Variants in MYCBP2 observed in about 807,000 individuals in gnomAD.
The protein encoded by MYCBP2 is E3 ubiquitin-protein ligase MYCBP2.
A neutral mutation model predicts 525.3 loss-of-function variants in MYCBP2; 120 were observed. The observed-to-expected ratio is 0.23, with a 90% CI of 0.20 to 0.27. The LOEUF is 0.27. Among genes scored for constraint, MYCBP2 ranks in the 10% least tolerant of loss-of-function variants. The pLI is 1.00. For synonymous variants in MYCBP2, 1,894 were observed against 1,955.8 expected (o/e 0.97, Z 0.83); for missense variants, 4,149 against 5,657.1 (o/e 0.73, Z 8.55).
intron 8 of MYCBP2, among the ~76,000 whole-genome samples, chr13:77,266,932 C>T (rs1302749426): frequency 6.6e-6 from 1 of 151,824 alleles, no homozygotes; most frequent in Non-Finnish European, 1.5e-5. Context: ...TAGTAAGGTT[C>T]AAATAAATGT....
chr13:77,272,841 C>A (rs1213602941), intron 5 of MYCBP2, among the ~76,000 whole-genome samples: 1 of 152,078 alleles, frequency 6.6e-6, no homozygotes, highest in African/African-American at 2.4e-5. Flanking sequence ...GCCCAAGGGG[C>A]CAGAGAAGAG....
chr13:77,108,109 T>C (rs962059796), intron 55 of MYCBP2, among the ~76,000 whole-genome samples: 9 of 152,112 alleles, frequency 5.9e-5, no homozygotes, highest in East Asian at 1.9e-4. Context: ...AAGGATAAAA[T>C]AGAAACAAGC....
At chr13:77,053,216 C>T (rs970006011) in intron 80 of MYCBP2, among the ~76,000 whole-genome samples, 2 of 151,134 alleles carry the variant, frequency 1.3e-5, no homozygotes, top group Non-Finnish European at 2.9e-5. Flanking sequence ...TAGGCAGGAA[C>T]TCAACAGTTT....
At chr13:77,071,720 C>A (rs193296007) in intron 68 of MYCBP2, among the ~76,000 whole-genome samples, 4 of 152,264 alleles carry the variant, frequency 2.6e-5, no homozygotes, top group Admixed American at 2.0e-4. Flanking sequence ...TATTGATCAA[C>A]TTGAACTAAC....
intron 80 of MYCBP2, among the ~76,000 whole-genome samples, chr13:77,055,275 C>T (rs556199514): frequency 3.9e-5 from 6 of 152,008 alleles, no homozygotes; most frequent in East Asian, 1.9e-4. Context: ...GAAGTTTATT[C>T]GAGAAGGAAT....
At chr13:77,186,757 T>C (rs371549099) in intron 30 of MYCBP2, among the ~76,000 whole-genome samples, 1 of 151,810 alleles carries the variant, frequency 6.6e-6, no homozygotes, top group East Asian at 1.9e-4. Flanking sequence ...TACTGCCCCA[T>C]TCCCACCAAA....
chr13:77,148,611 A>G (rs1376951067), intron 47 of MYCBP2, among the ~76,000 whole-genome samples: 1 of 152,028 alleles, frequency 6.6e-6, no homozygotes, highest in Non-Finnish European at 1.5e-5. Flanking sequence ...TTGCTGGTCT[A>G]GCAAAATTTT....
chr13:77,152,934 G>A (rs1028296410), intron 46 of MYCBP2, among the ~76,000 whole-genome samples: 1 of 151,804 alleles, frequency 6.6e-6, no homozygotes, highest in Non-Finnish European at 1.5e-5. Flanking sequence ...GCGTGGTGGC[G>A]GGTGCCTGTA....
chr13:77,243,683 G>T, intron 16 of MYCBP2, 123 bp downstream of exon 16: 1 of 786,932 alleles, frequency 1.3e-6, no homozygotes, highest in Non-Finnish European at 1.9e-6. Flanking sequence ...CGTAAAAGCA[G>T]TATTGCATAC....
intron 5 of MYCBP2, among the ~76,000 whole-genome samples, 174 bp from the exon 6 acceptor site, chr13:77,270,712 A>C (rs1214662110): frequency 2.0e-5 from 3 of 152,192 alleles, no homozygotes; most frequent in Admixed American, 6.5e-5. Flanking sequence ...GCAAATCTCA[A>C]GCAAGGTAGA....
chr13:77,268,600 T>C (rs2074420634), intron 7 of MYCBP2, among the ~76,000 whole-genome samples: 1 of 151,812 alleles, frequency 6.6e-6, no homozygotes, highest in Non-Finnish European at 1.5e-5. Context: ...GCCGGCATGG[T>C]TAAACCCGTC....
At position 77,165,290 on chromosome 13, in the gene MYCBP2, T is replaced by C; in HGVS notation, c.6442A>G (p.Ser2148Gly). Residue 2148 changes from serine to glycine, a missense_variant, in exon 42 of 83, where the codon AGC becomes GGC. By Grantham distance (56) the Ser-to-Gly change is moderately conservative (BLOSUM62 0). Transcript: ENST00000544440. ...ATTCTTACCTCATCAGGTCCAGGGC[T>C]AAATTCATATCCAATTGCAAAACAC... ...FKCFAIGYEF[S>G]PGPDEGVIQL... 1 of 1,609,240 alleles carries C rather than the reference T, an allele frequency of 6.2e-7. No homozygotes were observed. The highest frequency in any genetic ancestry group is 8.5e-7 in the Non-Finnish European group (1 of 1,177,400).
Position 77,326,437 on chromosome 13 carries a change from G to T in MYCBP2, c.302+37C>A. The T allele has an allele frequency of 6.6e-7, 1 of 1,508,368 alleles. No individual in the cohort carries two copies. Among genetic ancestry groups the T allele is most frequent in the Non-Finnish European group, 8.8e-7 (1 of 1,133,284 alleles). 93.4% of individuals were successfully genotyped at this position (1,508,368 alleles called of 1,614,324 possible). ...CGCGGCATGGGGCGCAAGGAAGGGC[G>T]GCATGGGGCGCAAGGAAGGGCACCC... On this transcript the variant is annotated intron_variant, in intron 1 of 82. Coordinates refer to ENST00000544440, the MANE Select transcript of MYCBP2 (RefSeq NM_015057.5). The surrounding 1 kb of genome is among the most constrained non-coding windows in gnomAD (Gnocchi z 4.2).
At chr13:77,273,158 C>G (rs954695338) in intron 5 of MYCBP2, among the ~76,000 whole-genome samples, 1 of 151,966 alleles carries the variant, frequency 6.6e-6, no homozygotes, top group African/African-American at 2.4e-5. Context: ...CTAAAAAACT[C>G]AGGGAAAGAT....
chr13:77,172,866 A>C (rs1231994791), intron 37 of MYCBP2, among the ~76,000 whole-genome samples: 1 of 152,250 alleles, frequency 6.6e-6, no homozygotes, highest in Admixed American at 6.5e-5. Context: ...TCCTGCCTAC[A>C]AGTCGCAGTA....
chr13:77,199,148 G>C (rs1418362007), intron 26 of MYCBP2, among the ~76,000 whole-genome samples: 3 of 152,234 alleles, frequency 2.0e-5, no homozygotes, highest in Non-Finnish European at 4.4e-5. Flanking sequence ...TCTCACTAGG[G>C]AGTGCCAGAC....
intron 1 of MYCBP2, among the ~76,000 whole-genome samples, chr13:77,318,942 ACAT>A (rs963774572): frequency 3.9e-5 from 6 of 152,194 alleles, no homozygotes; most frequent in Non-Finnish European, 8.8e-5. Flanking sequence ...CAAAAATATG[ACAT>A]CATCAAAAGA....
intron 53 of MYCBP2, among the ~76,000 whole-genome samples, chr13:77,125,964 G>T (rs139732400): frequency 1.1e-4 from 17 of 152,238 alleles, no homozygotes; most frequent in African/African-American, 3.9e-4. Context: ...TGGGAACAAA[G>T]AAATGAAACC....
chr13:77,181,024 T>A (rs2060168531), intron 33 of MYCBP2, among the ~76,000 whole-genome samples: 1 of 152,266 alleles, frequency 6.6e-6, no homozygotes, highest in African/African-American at 2.4e-5. Context: ...TAAATCACTT[T>A]TTTAACAAAA....
Sources: gnomAD v4.1 joint callset for allele counts (sites outside exome capture counted in the v4.1 genomes callset) on GRCh38, gnomAD v4.1.1 for gene constraint, Gnocchi (gnomAD v3.1) non-coding constraint, MANE v1.5 for transcripts, NCBI Gene and HGNC (gene_info 2026-07-23, HGNC 2026-07-21) for gene names.